EXOC4: variants seen among roughly 807,000 people sequenced by gnomAD.
The protein encoded by EXOC4 is SEC8-like 1.
In EXOC4, 71 loss-of-function variants were observed where a neutral mutation model predicts 107.2. The observed-to-expected ratio is 0.66, with a 90% CI of 0.55 to 0.81. The LOEUF (loss-of-function observed/expected upper bound fraction) is 0.81, where lower values mean the gene tolerates loss of function less well. Ranked by LOEUF, EXOC4 falls within the 30% of genes least tolerant of loss-of-function variation. The pLI is 0.00. For synonymous variants in EXOC4, 456 were observed against 441.2 expected (o/e 1.03, Z -0.42); for missense variants, 1,108 against 1,189.6 (o/e 0.93, Z 1.01).
intron 11 of EXOC4, among the ~76,000 whole-genome samples, chr7:133,833,079 C>T (rs1797844603): frequency 6.6e-6 from 1 of 152,104 alleles, no homozygotes. Context: ...CACACACATA[C>T]ACACCCCAAA....
intron 6 of EXOC4, among the ~76,000 whole-genome samples, chr7:133,374,325 G>A (rs568247809): frequency 2.0e-5 from 3 of 151,918 alleles, no homozygotes; most frequent in South Asian, 4.2e-4. Context: ...TTTTTTTCAG[G>A]CAACTCAGGC....
intron 7 of EXOC4, among the ~76,000 whole-genome samples, chr7:133,450,631 T>C (rs185612721): frequency 3.1e-4 from 47 of 152,314 alleles, no homozygotes; most frequent in African/African-American, 1.1e-3. Flanking sequence ...TTTTCTGAGT[T>C]TTACTGCTAG....
intron 7 of EXOC4, among the ~76,000 whole-genome samples, chr7:133,390,360 G>A (rs545613122): frequency 7.2e-5 from 11 of 152,200 alleles, no homozygotes; most frequent in African/African-American, 1.7e-4. Flanking sequence ...GCGGTTTTTC[G>A]TCATTTATAG....
chr7:133,369,555 CT>C (rs1312778530), intron 6 of EXOC4, among the ~76,000 whole-genome samples: 1 of 152,090 alleles, frequency 6.6e-6, no homozygotes, highest in African/African-American at 2.4e-5. Context: ...TCTCTAGTTA[CT>C]TTCTAACCAT....
chr7:133,867,011 C>G (rs1329342174), intron 11 of EXOC4, among the ~76,000 whole-genome samples: 2 of 152,298 alleles, frequency 1.3e-5, no homozygotes, highest in South Asian at 2.1e-4. Flanking sequence ...ACTTTTGGCT[C>G]TGCTGTGCCC....
At chr7:133,491,728 A>G (rs1018093330) in intron 9 of EXOC4, among the ~76,000 whole-genome samples, 20 of 152,196 alleles carry the variant, frequency 1.3e-4, no homozygotes. Context: ...TTCAGTGAAT[A>G]TTAGAAGTAC....
intron 17 of EXOC4, among the ~76,000 whole-genome samples, chr7:134,023,516 C>T (rs1295460580): frequency 6.6e-6 from 1 of 152,044 alleles, no homozygotes; most frequent in African/African-American, 2.4e-5. Context: ...CACACATTGT[C>T]TTATTTAATC....
intron 9 of EXOC4, among the ~76,000 whole-genome samples, chr7:133,573,363 C>T (rs1359907995): frequency 6.6e-6 from 1 of 152,096 alleles, no homozygotes; most frequent in Non-Finnish European, 1.5e-5. Flanking sequence ...AACCATGATG[C>T]TACTTAGAAG....
chr7:133,468,273 T>C (rs1798781234), intron 7 of EXOC4, among the ~76,000 whole-genome samples: 1 of 152,226 alleles, frequency 6.6e-6, no homozygotes, highest in Admixed American at 6.5e-5. Context: ...GCAACTGCCA[T>C]TGACAATGAG....
In EXOC4 at chr7:133,463,722, C is replaced by A. The variant is rs190108800; in HGVS notation, c.1183-11606C>A. Among the ~76,000 whole-genome samples the A allele has an allele frequency of 1.6e-3, 247 of 151,984 alleles. 1 individual carries two copies. The Middle Eastern group carries it at 0.031, about 19-fold the overall frequency. On this transcript the variant is annotated intron_variant, in intron 7 of 17. Coordinates refer to ENST00000253861, the MANE Select transcript of EXOC4 (RefSeq NM_021807.4). ...ACTCATTGAAGTGAAAGAAAACATT[C>A]CAAAAGTTTAGAGAATGAGTATTAG...
intron 10 of EXOC4, among the ~76,000 whole-genome samples, chr7:133,767,814 C>G (rs1796169039): frequency 6.6e-6 from 1 of 151,946 alleles, no homozygotes; most frequent in South Asian, 2.1e-4. Flanking sequence ...GTGCCCACTA[C>G]ATGGTAGGAA....
intron 9 of EXOC4, among the ~76,000 whole-genome samples, chr7:133,532,929 A>G (rs1465538262): frequency 6.6e-6 from 1 of 151,996 alleles, no homozygotes; most frequent in Non-Finnish European, 1.5e-5. Flanking sequence ...CTTTGAATGT[A>G]GTTTTTTCTT....
In EXOC4 at chr7:133,642,164, C is replaced by CT. The variant is rs557197430; in HGVS notation, c.1514+12031dup. 2.4e-4 allele frequency among the ~76,000 whole-genome samples: 36 copies of CT among 152,050 alleles called. No homozygotes were observed. In the East Asian group the frequency reaches 3.1e-3, roughly 13 times the overall value. ...ATTTTTCTGTTATTTTTAATTCATTCTTTTTTTTCCAGCAAATACTCGCTG... is the reference window on the plus strand; with the variant it reads ...ATTTTTCTGTTATTTTTAATTCATTCTTTTTTTTTCCAGCAAATACTCGCTG... On this transcript the variant is annotated intron_variant, in intron 10 of 17. Transcript: ENST00000253861.
chr7:133,372,431 A>T (rs1796397559), intron 6 of EXOC4, among the ~76,000 whole-genome samples: 1 of 152,192 alleles, frequency 6.6e-6, no homozygotes, highest in African/African-American at 2.4e-5. Flanking sequence ...TTTGGCTTTG[A>T]GCCTCCAGGA....
chr7:133,674,089 G>A (rs1168133221), intron 10 of EXOC4, among the ~76,000 whole-genome samples: 2 of 152,068 alleles, frequency 1.3e-5, no homozygotes, highest in African/African-American at 4.8e-5. Context: ...ACCTGCCAAG[G>A]AAAAAATGCA....
chr7:133,534,190 T>G (rs1015459906), intron 9 of EXOC4, among the ~76,000 whole-genome samples: 3 of 152,208 alleles, frequency 2.0e-5, no homozygotes, highest in African/African-American at 7.2e-5. Context: ...ATGTTTTTGT[T>G]GCCATTTTTG....
At chr7:133,920,764 T>C (rs368064659) in intron 13 of EXOC4, among the ~76,000 whole-genome samples, 1 of 152,236 alleles carries the variant, frequency 6.6e-6, no homozygotes, top group African/African-American at 2.4e-5. Flanking sequence ...CCTTTCTCAA[T>C]GTAGATCCAC....
chr7:133,520,634 C>G (rs1009012898), intron 9 of EXOC4, among the ~76,000 whole-genome samples: 3 of 152,062 alleles, frequency 2.0e-5, no homozygotes. Flanking sequence ...AATGCAGCTA[C>G]CACACATTGT....
intron 4 of EXOC4, among the ~76,000 whole-genome samples, chr7:133,311,759 A>C (rs1465734176): frequency 6.6e-6 from 1 of 152,210 alleles, no homozygotes; most frequent in Non-Finnish European, 1.5e-5. Flanking sequence ...TTAATATCTA[A>C]AGCATGCAGA....
Sources: gnomAD v4.1 joint callset for allele counts (sites outside exome capture counted in the v4.1 genomes callset) on GRCh38, gnomAD v4.1.1 for gene constraint, MANE v1.5 for transcripts, NCBI Gene and HGNC (gene_info 2026-07-23, HGNC 2026-07-21) for gene names.